The following PDE4D variants were observed in gnomAD, a reference collection of about 807,000 sequenced individuals.
PDE4D encodes the protein phosphodiesterase 4D, also known as 3',5'-cyclic-AMP phosphodiesterase 4D.
In PDE4D, 24 loss-of-function variants were observed where a neutral mutation model predicts 87.4. That is an observed-to-expected ratio of 0.27 (90% CI 0.20 to 0.39). The LOEUF is 0.39. Among genes scored for constraint, PDE4D ranks in the 10% least tolerant of loss-of-function variants. The pLI is 1.00. For synonymous variants in PDE4D, 384 were observed against 383.2 expected (o/e 1.00, Z -0.02); for missense variants, 714 against 1,041.0 (o/e 0.69, Z 4.32).
At chr5:60,141,593 C>T (rs929047090) in intron 2 of PDE4D, among the ~76,000 whole-genome samples, 1 of 152,106 alleles carries the variant, frequency 6.6e-6, no homozygotes, top group Non-Finnish European at 1.5e-5. Context: ...CAAGAGCTTG[C>T]TTACCCCCTT....
chr5:60,071,512 A>G (rs550381174), intron 2 of PDE4D, among the ~76,000 whole-genome samples: 64 of 152,218 alleles, frequency 4.2e-4, no homozygotes, highest in African/African-American at 1.4e-3. Flanking sequence ...TCTTTTTCAC[A>G]AATATTATTC....
intron 1 of PDE4D, among the ~76,000 whole-genome samples, chr5:59,573,499 G>C (rs897087838): frequency 6.6e-6 from 1 of 151,960 alleles, no homozygotes; most frequent in African/African-American, 2.4e-5. Context: ...GAGTATACCC[G>C]CAGTTCTCAG....
rs1808049778 is a variant in PDE4D at position 59,500,245 on chromosome 5, T to A, written c.456-284277A>T. ...AGAACCACCATTTGACCCTGCAATCTCACTGCTGAGTGTATACCCAAAGGA... is the reference window on the plus strand; with the variant it reads ...AGAACCACCATTTGACCCTGCAATCACACTGCTGAGTGTATACCCAAAGGA... On this transcript the variant is annotated intron_variant, in intron 1 of 14. Coordinates refer to ENST00000340635, the MANE Select transcript of PDE4D (RefSeq NM_001104631.2). 3.3e-5 allele frequency among the ~76,000 whole-genome samples: 5 copies of A among 152,258 alleles called. No individual in the cohort carries two copies. In the South Asian group the frequency reaches 1.0e-3, roughly 32 times the overall value.
chr5:60,029,291 C>T (rs1290263037), intron 2 of PDE4D, among the ~76,000 whole-genome samples: 2 of 152,140 alleles, frequency 1.3e-5, no homozygotes, highest in Non-Finnish European at 2.9e-5. Context: ...TTAGGGCCAA[C>T]CTGCCTCCCA....
At position 59,309,325 on chromosome 5, in the gene PDE4D, T is replaced by C. The variant is rs1484270461; in HGVS notation, c.456-93357A>G. Among the ~76,000 whole-genome samples, 3 of 152,216 alleles carry C rather than the reference T, an allele frequency of 2.0e-5. No individual in the cohort carries two copies. In the East Asian group the frequency reaches 5.8e-4, roughly 29 times the overall value. ...CTTCAGCTAGAGATTTTCTTCTCCC[T>C]GTAGAGTTTTACCCCTTGCACCTCT... On this transcript the variant is annotated intron_variant, in intron 1 of 14. Transcript: ENST00000340635.
At chr5:59,253,734 A>G (rs1760434485) in intron 1 of PDE4D, among the ~76,000 whole-genome samples, 1 of 152,108 alleles carries the variant, frequency 6.6e-6, no homozygotes, top group Non-Finnish European at 1.5e-5. Context: ...ATTTTTCAAA[A>G]TTGGGTTTGG....
intron 1 of PDE4D, among the ~76,000 whole-genome samples, chr5:60,290,576 G>A (rs1752806645): frequency 6.6e-6 from 1 of 152,122 alleles, no homozygotes; most frequent in South Asian, 2.1e-4. Flanking sequence ...GGCCGAGGTG[G>A]GCAGATTGCT....
intron 1 of PDE4D, among the ~76,000 whole-genome samples, chr5:59,304,309 G>A (rs1228406061): frequency 1.3e-5 from 2 of 151,962 alleles, no homozygotes; most frequent in Non-Finnish European, 2.9e-5. Flanking sequence ...AGTTCTTAGA[G>A]TTTTCAAGGT....
At chr5:60,500,759 A>G (rs1750032332) in intron 1 of PDE4D, among the ~76,000 whole-genome samples, 1 of 152,190 alleles carries the variant, frequency 6.6e-6, no homozygotes, top group Non-Finnish European at 1.5e-5. Context: ...GTGAATGACA[A>G]TTGTTCCTTC....
At chr5:59,820,320 C>A (rs981227651) in intron 1 of PDE4D, among the ~76,000 whole-genome samples, 1 of 152,202 alleles carries the variant, frequency 6.6e-6, no homozygotes, top group African/African-American at 2.4e-5. Flanking sequence ...CTGCAAGGTG[C>A]GTGAACACAC....
chr5:60,134,777 G>A (rs1264109280), intron 2 of PDE4D, among the ~76,000 whole-genome samples: 3 of 152,096 alleles, frequency 2.0e-5, no homozygotes, highest in East Asian at 1.9e-4. Flanking sequence ...AAAAACATCC[G>A]TAAATGTCCA....
At chr5:59,625,518 G>C (rs561606531) in intron 1 of PDE4D, among the ~76,000 whole-genome samples, 1 of 151,278 alleles carries the variant, frequency 6.6e-6, no homozygotes, top group South Asian at 2.1e-4. Flanking sequence ...AAAAAAAAAG[G>C]ATATTGTTTT....
intron 1 of PDE4D, among the ~76,000 whole-genome samples, chr5:60,415,920 G>T (rs1341156284): frequency 6.6e-6 from 1 of 152,252 alleles, no homozygotes; most frequent in African/African-American, 2.4e-5. Context: ...GTCTAGCTAA[G>T]GGATTGTAAA....
chr5:59,485,277 A>G (rs1045557546), intron 1 of PDE4D, among the ~76,000 whole-genome samples: 5 of 152,168 alleles, frequency 3.3e-5, no homozygotes, highest in African/African-American at 9.6e-5. Context: ...CAGTGCATCC[A>G]GTGATTTGTG....
chr5:59,608,291 T>C (rs770626608), intron 1 of PDE4D, among the ~76,000 whole-genome samples: 1 of 152,154 alleles, frequency 6.6e-6, no homozygotes, highest in African/African-American at 2.4e-5. Flanking sequence ...CTATGTCCTA[T>C]TTAAAGTCAC....
rs1359622055 is a variant in PDE4D, at chr5:58,973,374, A to AAT, written c.*1288_*1289dup. 6.6e-6 allele frequency: 1 copy of AAT among 152,206 alleles called. No homozygotes were observed. The highest frequency in any genetic ancestry group is 1.5e-5 in the Non-Finnish European group (1 of 68,032). The allele number at this position is 152,206 out of a possible 1,614,324, so 9.4% of individuals were successfully genotyped here. On this transcript the variant is annotated 3_prime_UTR_variant, in exon 15 of 15. Coordinates refer to ENST00000340635, the MANE Select transcript of PDE4D (RefSeq NM_001104631.2). ...ATGGATAAGGTTCAGACACACGCTA[A>AAT]ATTATAAAGCAGCACAAGGGGAAAA... is the stretch of plus-strand genomic sequence containing the variant.
chr5:59,552,714 T>C (rs574945732), intron 1 of PDE4D, among the ~76,000 whole-genome samples: 1 of 152,354 alleles, frequency 6.6e-6, no homozygotes, highest in South Asian at 2.1e-4. Flanking sequence ...TCTTTCACCA[T>C]ATTAATATGA....
upstream of PDE4D, among the ~76,000 whole-genome samples, chr5:59,897,609 AC>A (rs1751795826): frequency 1.3e-5 from 2 of 148,246 alleles, no homozygotes; most frequent in South Asian, 2.1e-4. Context: ...CCAGCATCCC[AC>A]CCCCCGACAG....
At chr5:59,067,334 C>T (rs183676140) in intron 5 of PDE4D, among the ~76,000 whole-genome samples, 135 of 152,094 alleles carry the variant, frequency 8.9e-4, no homozygotes, top group African/African-American at 3.0e-3. Flanking sequence ...TTTGTTACAG[C>T]AGCTTGAATG....
Sources: allele counts gnomAD v4.1 joint callset (sites outside exome capture counted in the v4.1 genomes callset), GRCh38; gene constraint gnomAD v4.1.1; transcripts MANE v1.5; gene names NCBI Gene and HGNC (gene_info 2026-07-23, HGNC 2026-07-21).